Variants in DIPK2A observed in about 807,000 individuals in gnomAD.
DIPK2A encodes the protein Golgi Protein of 49 kDa.
A neutral mutation model predicts 39.0 loss-of-function variants in DIPK2A; 27 were observed. That is an observed-to-expected ratio of 0.69 (90% CI 0.51 to 0.96). The LOEUF is 0.96. DIPK2A is among the 40% of genes least tolerant of loss of function. The pLI, the probability that DIPK2A is intolerant of heterozygous loss-of-function variation, is 0.00. For synonymous variants in DIPK2A, 298 were observed against 240.8 expected, an observed-to-expected ratio of 1.24 and a Z score of -2.20; for missense variants, 528 against 571.3, an observed-to-expected ratio of 0.92 and a Z score of 0.77.
chr3:143,975,445 A>C (rs2087714854), intron 1 of DIPK2A, among the ~76,000 whole-genome samples: 1 of 152,080 alleles, frequency 6.6e-6, no homozygotes, highest in Non-Finnish European at 1.5e-5. Flanking sequence ...TGAACAATAT[A>C]CTTGAGGTTT....
intron 1 of DIPK2A, among the ~76,000 whole-genome samples, chr3:143,981,509 A>C (rs1039177861): frequency 6.6e-6 from 1 of 152,120 alleles, no homozygotes; most frequent in Non-Finnish European, 1.5e-5. Context: ...TATTAAACTC[A>C]TCCTTTAGGT....
At chr3:143,989,476 T>G in intron 2 of DIPK2A, 34 bp from the exon 3 acceptor site, 2 of 1,470,120 alleles carry the variant, frequency 1.4e-6, no homozygotes, top group South Asian at 2.6e-5. Flanking sequence ...ATTTAAAAAA[T>G]TTTTTTCTAC....
intron 1 of DIPK2A, chr3:143,978,352 G>A (rs931360059): frequency 5.9e-5 from 9 of 152,250 alleles, no homozygotes; most frequent in African/African-American, 1.7e-4. Flanking sequence ...TTAGTGTAAG[G>A]TGAGGTTAGT....
At chr3:143,982,562 C>T (rs1226068690) in intron 1 of DIPK2A, among the ~76,000 whole-genome samples, 1 of 152,076 alleles carries the variant, frequency 6.6e-6, no homozygotes, top group African/African-American at 2.4e-5. Context: ...GAGATTTTGT[C>T]ACCACCAGGC....
intron 1 of DIPK2A, among the ~76,000 whole-genome samples, chr3:143,974,294 A>T (rs1372412830): frequency 6.6e-6 from 1 of 152,190 alleles, no homozygotes; most frequent in Non-Finnish European, 1.5e-5. Context: ...ATGAAACTTT[A>T]GTGTGGGTCT....
intron 1 of DIPK2A, among the ~76,000 whole-genome samples, chr3:143,983,656 GCAA>G (rs2087858461): frequency 6.6e-6 from 1 of 152,200 alleles, no homozygotes; most frequent in South Asian, 2.1e-4. Context: ...AACTGGAGAA[GCAA>G]CAACAAACAA....
At chr3:143,982,332 G>T (rs1328171115) in intron 1 of DIPK2A, among the ~76,000 whole-genome samples, 1 of 152,144 alleles carries the variant, frequency 6.6e-6, no homozygotes, top group African/African-American at 2.4e-5. Flanking sequence ...CATATCTTTT[G>T]ATGAATGTCT....
In DIPK2A at chr3:143,989,506, A is replaced by G. The variant is rs750960598; in HGVS notation, c.962-4A>G. 2.0e-5 allele frequency: 32 copies of G among 1,586,110 alleles called. No homozygotes were observed. Among genetic ancestry groups the G allele is most frequent in the Middle Eastern group, 3.4e-4 (2 of 5,914 alleles). ...TTCTACTTCTGCTTTTCCTCCTTTC[A>G]CAGATAAACCTGAAAATTGGGATGT... On this transcript the variant is annotated splice_region_variant and splice_polypyrimidine_tract_variant and intron_variant, in intron 2 of 2. Transcript: ENST00000315691.
In DIPK2A at chr3:143,989,586, A is replaced by T. The variant is rs1352071945; in HGVS notation, c.1038A>T (p.Ser346=). The change falls in exon 3 of 3, where the codon TCA becomes TCT. Residue 346 remains serine, a synonymous_variant. Transcript: ENST00000315691. ...ATAAGGAGGCTTGCTTATCATTTTC[A>T]AAAGAAATTCTTTGTGCTCGTGCCA... ...DCDKEACLSF[S]KEILCARATV... 1 of 1,614,212 alleles carries T rather than the reference A, an allele frequency of 6.2e-7. No individual in the cohort carries two copies. The highest frequency in any genetic ancestry group is 8.5e-7 in the Non-Finnish European group (1 of 1,180,026).
At chr3:143,982,356 A>G (rs954034866) in intron 1 of DIPK2A, among the ~76,000 whole-genome samples, 2 of 152,118 alleles carry the variant, frequency 1.3e-5, no homozygotes, top group Non-Finnish European at 2.9e-5. Context: ...ATTGTTACTT[A>G]AAATTTTTAA....
In DIPK2A at chr3:143,985,842, A is replaced by G. The variant is rs1293953952; in HGVS notation, c.957A>G (p.Arg319=). Residue 319 remains arginine (R), a synonymous_variant, in exon 2 of 3, where the codon AGA becomes AGG. Coordinates refer to ENST00000315691, the MANE Select transcript of DIPK2A (RefSeq NM_173552.5). ...TGGTTGCTGACAAAAGATTAATTAG[A>G]CAAAGTAAGTATATAATTTTAGATT... ...NVLVADKRLI[R]QNKPENWDVW... The G allele has an allele frequency of 1.9e-6, 3 of 1,606,824 alleles. No homozygotes were observed. Among genetic ancestry groups the G allele is most frequent in the Non-Finnish European group, 1.7e-6 (2 of 1,175,920 alleles).
intron 1 of DIPK2A, among the ~76,000 whole-genome samples, chr3:143,979,155 C>T (rs2087792238): frequency 6.6e-6 from 1 of 152,060 alleles, no homozygotes; most frequent in Non-Finnish European, 1.5e-5. Context: ...TTTCTTATTG[C>T]AGACATTCAA....
In DIPK2A at chr3:143,973,421, C is replaced by T. The variant is rs2087686800; in HGVS notation, c.657+432C>T. 2.7e-5 allele frequency: 42 copies of T among 1,550,732 alleles called. No individual in the cohort carries two copies. The South Asian group carries it at 4.5e-4, about 17-fold the overall frequency. On this transcript the variant is annotated intron_variant, in intron 1 of 2. Transcript: ENST00000315691. ...TCTGAAGTGTTCTACACCGCGTTCG[C>T]TCTTCCTTTTCTGGCGCTGGTGGCT... is the stretch of plus-strand genomic sequence containing the variant.
At chr3:143,983,356 G>T (rs2087852232) in intron 1 of DIPK2A, among the ~76,000 whole-genome samples, 1 of 152,128 alleles carries the variant, frequency 6.6e-6, no homozygotes, top group South Asian at 2.1e-4. Context: ...CAGTCTCTCA[G>T]ACCACAATTC....
intron 1 of DIPK2A, among the ~76,000 whole-genome samples, chr3:143,977,861 C>G (rs2087752618): frequency 6.6e-6 from 1 of 152,018 alleles, no homozygotes; most frequent in African/African-American, 2.4e-5. Flanking sequence ...TAGAAAGACC[C>G]TAGAAACAGA....
chr3:143,972,515 G>C lies in DIPK2A; in HGVS notation c.183G>C (p.Thr61=), dbSNP rs1405224974. ...ATAAGTGCCCGGCGTGCTTCGGCAC[G>C]AGCTGGTGCCGCCGCTTCCTCAACG... is the stretch of plus-strand genomic sequence containing the variant. ...QLNKCPACFG[T]SWCRRFLNGQ... is the part of the protein sequence containing the mutation. Residue 61 remains threonine (T), a synonymous_variant, in exon 1 of 3, where the codon ACG becomes ACC. Transcript: ENST00000315691. The C allele has an allele frequency of 1.2e-6, 2 of 1,611,354 alleles. No individual in the cohort carries two copies. Among genetic ancestry groups the C allele is most frequent in the East Asian group, 4.5e-5 (2 of 44,852 alleles).
Position 143,972,870 on chromosome 3 carries a change from G to T in DIPK2A, c.538G>T (p.Val180Leu). ...CTCGCAGCGCCTTCTCGACCGCCTGGTGCGCCGCTACGCGGAGACCAAGGA... is the reference window on the plus strand; with the variant it reads ...CTCGCAGCGCCTTCTCGACCGCCTGTTGCGCCGCTACGCGGAGACCAAGGA... ...CPSQRLLDRLVRRYAETKDSG... is the reference protein window; with the variant it reads ...CPSQRLLDRLLRRYAETKDSG... The change falls in exon 1 of 3, where the codon GTG becomes TTG. Residue 180 changes from valine (V) to leucine (L), a missense_variant. Around this residue, in one of 2 missense-constraint regions of DIPK2A, gnomAD observed 309 missense variants for 289.8 expected, o/e 1.07. Coordinates refer to ENST00000315691, the MANE Select transcript of DIPK2A (RefSeq NM_173552.5). The T allele has an allele frequency of 6.3e-7, 1 of 1,575,400 alleles. No homozygotes were observed. The highest frequency in any genetic ancestry group is 8.6e-7 in the Non-Finnish European group (1 of 1,162,982).
chr3:143,973,494 A>G (rs1487885841), intron 1 of DIPK2A: 2 of 1,551,098 alleles, frequency 1.3e-6, no homozygotes, highest in African/African-American at 1.4e-5. Flanking sequence ...TTTACCTGGC[A>G]GTCATTTGGA....
At chr3:143,973,564 T>G (rs2107837844) in intron 1 of DIPK2A, 3 of 1,539,900 alleles carry the variant, frequency 1.9e-6, no homozygotes, top group Non-Finnish European at 2.6e-6. Flanking sequence ...GTGGTCGGGG[T>G]GGGTTTAATC....
Sources: gnomAD v4.1 joint callset for allele counts (sites outside exome capture counted in the v4.1 genomes callset) on GRCh38, gnomAD v4.1.1 for gene constraint, gnomAD v4.1.1 regional missense constraint, MANE v1.5 for transcripts, NCBI Gene and HGNC (gene_info 2026-07-23, HGNC 2026-07-21) for gene names.